TIAM2: variants seen among roughly 807,000 people sequenced by gnomAD.
TIAM2 encodes the protein TIAM Rac1 associated GEF 2.
A neutral mutation model predicts 152.9 loss-of-function variants in TIAM2; 80 were observed. The observed-to-expected ratio is 0.52, with a 90% CI of 0.44 to 0.63. The LOEUF is 0.63. TIAM2 is among the 30% of genes least tolerant of loss of function. The probability of loss-of-function intolerance (pLI) is 0.00; values close to 1 mark genes in which losing one functional copy is unlikely to be tolerated. For synonymous variants in TIAM2, 804 were observed against 838.0 expected (o/e 0.96, Z 0.70); for missense variants, 1,965 against 2,120.1 (o/e 0.93, Z 1.44).
At chr6:155,009,757 G>T (rs1778456804) in intron 1 of TIAM2, among the ~76,000 whole-genome samples, 1 of 152,168 alleles carries the variant, frequency 6.6e-6, no homozygotes, top group Non-Finnish European at 1.5e-5. Context: ...GGCCCCTTGG[G>T]CCCCTCTGAA....
chr6:155,054,294 A>G (rs1382904559), intron 1 of TIAM2, among the ~76,000 whole-genome samples: 2 of 152,094 alleles, frequency 1.3e-5, no homozygotes, highest in Non-Finnish European at 2.9e-5. Context: ...AATCCTTCTC[A>G]CCTTACAGGT....
At chr6:155,022,994 T>C in intron 1 of TIAM2, among the ~76,000 whole-genome samples, 1 of 152,168 alleles carries the variant, frequency 6.6e-6, no homozygotes, top group Non-Finnish European at 1.5e-5. Flanking sequence ...TAGAGAGGTT[T>C]TTTAAACTAG....
At chr6:155,077,013 C>G (rs1168992336) in intron 1 of TIAM2, among the ~76,000 whole-genome samples, 4 of 152,130 alleles carry the variant, frequency 2.6e-5, no homozygotes, top group Admixed American at 2.6e-4. Flanking sequence ...ATATCCTTTT[C>G]TACAAATTCC....
chr6:155,048,101 T>A lies in TIAM2; in HGVS notation c.-208-42188T>A, dbSNP rs535839685. Among the ~76,000 whole-genome samples, 380 of 152,218 alleles carry A rather than the reference T, an allele frequency of 2.5e-3. 2 individuals carry two copies. Among genetic ancestry groups the A allele is most frequent in the Non-Finnish European group, 4.7e-3 (323 of 68,016 alleles). ...GCAAGTAGCTGGGACTACAGGCATG[T>A]GCCACCATAGCCACCTAATACTTAT... On this transcript the variant is annotated intron_variant, in intron 1 of 26. Transcript: ENST00000682666.
intron 1 of TIAM2, among the ~76,000 whole-genome samples, chr6:155,002,002 T>C (rs1361834088): frequency 6.6e-6 from 1 of 152,232 alleles, no homozygotes; most frequent in Non-Finnish European, 1.5e-5. Flanking sequence ...AAAAAAATTA[T>C]ATTGTTGTTG....
chr6:155,217,546 T>C (rs903917050), intron 15 of TIAM2, among the ~76,000 whole-genome samples: 2 of 152,262 alleles, frequency 1.3e-5, no homozygotes, highest in Non-Finnish European at 2.9e-5. Flanking sequence ...GGTTTAATAC[T>C]GTAAAAGAAA....
chr6:155,022,695 G>A (rs1380043728), intron 1 of TIAM2: 1 of 152,240 alleles, frequency 6.6e-6, no homozygotes, highest in African/African-American at 2.4e-5. Context: ...GTGTTCAACT[G>A]TCACCTTGTA....
At chr6:155,161,858 G>A (rs542039825) in intron 7 of TIAM2, among the ~76,000 whole-genome samples, 2 of 151,594 alleles carry the variant, frequency 1.3e-5, no homozygotes, top group East Asian at 2.0e-4. Context: ...GATTACAGAC[G>A]TGAGCCATCA....
intron 16 of TIAM2, among the ~76,000 whole-genome samples, chr6:155,242,939 C>T (rs549310851): frequency 1.6e-3 from 244 of 150,754 alleles, no homozygotes; most frequent in Middle Eastern, 0.01. Flanking sequence ...AACAGGGTTT[C>T]ACCATGTTGG....
intron 2 of TIAM2, among the ~76,000 whole-genome samples, chr6:155,093,105 A>G (rs561298781): frequency 2.8e-4 from 43 of 152,348 alleles, no homozygotes; most frequent in African/African-American, 9.1e-4. Flanking sequence ...TTGGTATCAG[A>G]CAGACCTGGT....
intron 14 of TIAM2, among the ~76,000 whole-genome samples, chr6:155,191,095 T>C (rs1007567646): frequency 1.3e-5 from 2 of 152,220 alleles, no homozygotes; most frequent in Non-Finnish European, 2.9e-5. Context: ...TGGTAATACA[T>C]GCGCATGGTA....
At chr6:155,159,110 C>T (rs1271175257) in intron 7 of TIAM2, among the ~76,000 whole-genome samples, 2 of 148,854 alleles carry the variant, frequency 1.3e-5, no homozygotes, top group Non-Finnish European at 2.9e-5. Context: ...TTTATGTCAC[C>T]TTCTGAAGAA....
At chr6:155,013,954 CT>C in intron 1 of TIAM2, 1 of 68,172 alleles carries the variant, frequency 1.5e-5, no homozygotes, top group East Asian at 4.9e-4. Context: ...ACACACACAC[CT>C]GAGATGGGGT....
At chr6:155,019,792 T>C (rs919969877) in intron 1 of TIAM2, among the ~76,000 whole-genome samples, 4 of 152,302 alleles carry the variant, frequency 2.6e-5, no homozygotes, top group African/African-American at 4.8e-5. Flanking sequence ...TGGTGGCTCA[T>C]GCCTGTAATC....
intron 1 of TIAM2, among the ~76,000 whole-genome samples, chr6:155,054,151 G>T (rs1002024439): frequency 6.6e-6 from 1 of 152,112 alleles, no homozygotes; most frequent in African/African-American, 2.4e-5. Context: ...GCAGCCTTGG[G>T]TGACAGAGCG....
intron 1 of TIAM2, among the ~76,000 whole-genome samples, chr6:155,057,205 A>T (rs1427728845): frequency 4.0e-5 from 6 of 149,484 alleles, no homozygotes; most frequent in African/African-American, 1.2e-4. Context: ...ATGTTTTTTT[A>T]TTATTATTTT....
intron 15 of TIAM2, among the ~76,000 whole-genome samples, chr6:155,239,895 G>A (rs1022516992): frequency 6.6e-6 from 1 of 151,252 alleles, no homozygotes; most frequent in East Asian, 1.9e-4. Flanking sequence ...CCCCTTTAGG[G>A]TGAGGGTGTT....
intron 15 of TIAM2, chr6:155,217,009 T>C: frequency 7.8e-7 from 1 of 1,279,328 alleles, no homozygotes; most frequent in Non-Finnish European, 1.0e-6. Context: ...GTCTTACACA[T>C]CTCCCAACAG....
At chr6:155,105,109 A>G (rs2114998536) in intron 2 of TIAM2, among the ~76,000 whole-genome samples, 1 of 151,834 alleles carries the variant, frequency 6.6e-6, no homozygotes, top group Non-Finnish European at 1.5e-5. Flanking sequence ...GGCATGCACT[A>G]CCACACCTGG....
Sources: gnomAD v4.1 joint callset for allele counts (sites outside exome capture counted in the v4.1 genomes callset) on GRCh38, gnomAD v4.1.1 for gene constraint, MANE v1.5 for transcripts, NCBI Gene and HGNC (gene_info 2026-07-23, HGNC 2026-07-21) for gene names.